Variants in MYT1 observed in about 807,000 individuals in gnomAD.
MYT1 encodes the protein myelin transcription factor I.
A neutral mutation model predicts 123.0 loss-of-function variants in MYT1; 23 were observed. That is an observed-to-expected ratio of 0.19 (90% CI 0.13 to 0.26). The LOEUF (loss-of-function observed/expected upper bound fraction) is 0.26. Among genes scored for constraint, MYT1 ranks in the 10% least tolerant of loss-of-function variants. The pLI is 1.00. For synonymous variants in MYT1, 518 were observed against 575.3 expected, an observed-to-expected ratio of 0.90 and a Z score of 1.43; for missense variants, 1,125 against 1,472.5, an observed-to-expected ratio of 0.76 and a Z score of 3.86.
chr20:64,199,784 C>G, intron 3 of MYT1, 108 bp from the exon 4 acceptor site: 1 of 1,318,718 alleles, frequency 7.6e-7, no homozygotes, highest in Non-Finnish European at 1.1e-6. Context: ...TGCCTCCACT[C>G]GTCCTTGGCA....
rs756892784 is a variant in MYT1 at position 64,219,822 on chromosome 20, G to C, written c.2081G>C (p.Gly694Ala). ...PSSSSCSSSP[G>A]VKSPDASQRH... ...AGCAGCAGCTGCAGCAGCAGCCCCG[G>C]TGTGAAGTCTCCCGACGCCTCCCAG... The change falls in exon 13 of 23, where the codon GGT becomes GCT. Residue 694 changes from glycine to alanine, a missense_variant. By Grantham distance (60) the Gly-to-Ala change is moderately conservative. Transcript: ENST00000328439. The C allele has an allele frequency of 3.7e-6, 6 of 1,613,410 alleles. No homozygotes were observed. The South Asian group carries it at 6.6e-5, about 18-fold the overall frequency.
At position 64,190,813 on chromosome 20, in the gene MYT1, AC is replaced by A. The variant is rs1555811127; in HGVS notation, c.-1+654del. ...GTGAAACCCCGTCTTTACTAAAAAC[AC>A]AAAAATTAGCCGGGCATGGTGGCAT... On this transcript the variant is annotated intron_variant, in intron 2 of 22. Transcript: ENST00000328439. The surrounding 1 kb of genome is among the most constrained non-coding windows in gnomAD (Gnocchi z 4.1). Among the ~76,000 whole-genome samples the A allele has an allele frequency of 1.3e-5, 2 of 151,606 alleles. No individual in the cohort carries two copies. Among genetic ancestry groups the A allele is most frequent in the Non-Finnish European group, 1.5e-5 (1 of 67,956 alleles).
At chr20:64,205,167 T>C (rs6062662) in intron 5 of MYT1, 70 bp downstream of exon 5, 257,645 of 1,547,976 alleles carry the variant, frequency 0.17, 24,518 homozygotes, top group South Asian at 0.32. Flanking sequence ...ACTCTGCAGA[T>C]GGAGAACTTT....
chr20:64,219,174 C>G, intron 12 of MYT1, 139 bp downstream of exon 12: 1 of 1,218,474 alleles, frequency 8.2e-7, no homozygotes, highest in Non-Finnish European at 1.1e-6. Flanking sequence ...AACTTTTTCT[C>G]CCTCCTGGCC....
At chr20:64,220,286 GGGA>G (rs1350208137) in intron 13 of MYT1, among the ~76,000 whole-genome samples, 1 of 152,212 alleles carries the variant, frequency 6.6e-6, no homozygotes, top group African/African-American at 2.4e-5. Flanking sequence ...TGGAGGCATG[GGGA>G]GGAGAAAGGC....
intron 1 of MYT1, among the ~76,000 whole-genome samples, chr20:64,176,808 G>A (rs1982470341): frequency 6.6e-6 from 1 of 152,236 alleles, no homozygotes; most frequent in African/African-American, 2.4e-5. Flanking sequence ...GTCCCTCCCA[G>A]CACACTGCCT....
At position 64,240,689 on chromosome 20, in the gene MYT1, T is replaced by C. The variant is rs1168652614; in HGVS notation, c.*241T>C. On this transcript the variant is annotated 3_prime_UTR_variant, in exon 23 of 23. Coordinates refer to ENST00000328439, the MANE Select transcript of MYT1 (RefSeq NM_004535.3). The stretch of plus-strand genomic sequence containing the variant: ...CACTGAAGAATTACAAAGTGATTTA[T>C]TTTTGTTTTCTGAAAGAAATCTGAA... The C allele has an allele frequency of 2.2e-6, 1 of 449,502 alleles. No individual in the cohort carries two copies. The highest frequency in any genetic ancestry group is 3.9e-6 in the Non-Finnish European group (1 of 258,954). 27.8% of individuals were successfully genotyped at this position (449,502 alleles called of 1,614,324 possible). A position where few individuals can be genotyped will look rare whatever the true frequency, so the allele number is the denominator to read the frequency against.
intron 1 of MYT1, among the ~76,000 whole-genome samples, chr20:64,182,695 G>T (rs1481683175): frequency 6.6e-6 from 1 of 152,040 alleles, no homozygotes; most frequent in East Asian, 1.9e-4. Flanking sequence ...CAGGAGCAGG[G>T]AGTGATAGGC....
intron 1 of MYT1, among the ~76,000 whole-genome samples, chr20:64,179,919 GTTATACACACA>G (rs1014562052): frequency 7.2e-6 from 1 of 139,350 alleles, no homozygotes; most frequent in African/African-American, 2.7e-5. Context: ...GCTCTATACA[GTTATACACACA>G]TGCTACACAC....
chr20:64,165,208 C>T (rs1056640488), intron 1 of MYT1, among the ~76,000 whole-genome samples: 1 of 151,996 alleles, frequency 6.6e-6, no homozygotes, highest in Non-Finnish European at 1.5e-5. Flanking sequence ...GTGACCCCCA[C>T]CCAAGGTACT....
rs1983725789 is a variant in MYT1 at position 64,212,921 on chromosome 20, A to G, written c.1518-613A>G. The stretch of plus-strand genomic sequence containing the variant: ...CTGCCAGAGCTTTTGAGGTCACTTC[A>G]TTTGAAAAGAGGCCAGTTCCCCATT... On this transcript the variant is annotated intron_variant, in intron 9 of 22. Coordinates refer to ENST00000328439, the MANE Select transcript of MYT1 (RefSeq NM_004535.3). The surrounding 1 kb of genome is among the most constrained non-coding windows in gnomAD (Gnocchi z 6.8). Among the ~76,000 whole-genome samples the G allele has an allele frequency of 6.6e-6, 1 of 152,192 alleles. No individual in the cohort carries two copies. Among genetic ancestry groups the G allele is most frequent in the Non-Finnish European group, 1.5e-5 (1 of 68,036 alleles).
chr20:64,211,842 C>A (rs73916733), intron 8 of MYT1, among the ~76,000 whole-genome samples: 4,980 of 151,980 alleles, frequency 0.033, 289 homozygotes, highest in African/African-American at 0.11. Context: ...GGGGGGCATG[C>A]CCTGACCAGG....
At chr20:64,176,676 G>C (rs1375275789) in intron 1 of MYT1, among the ~76,000 whole-genome samples, 1 of 152,258 alleles carries the variant, frequency 6.6e-6, no homozygotes, top group African/African-American at 2.4e-5. Context: ...GCGTGGAGCA[G>C]TGTGGAGTGG....
At position 64,202,431 on chromosome 20, in the gene MYT1, T is replaced by G. The variant is rs1249794062; in HGVS notation, c.86+2509T>G. On this transcript the variant is annotated intron_variant, in intron 4 of 22. Transcript: ENST00000328439. The surrounding 1 kb of genome is among the most constrained non-coding windows in gnomAD (Gnocchi z 5.0). Reference sequence around the variant, plus strand: ...GCCAGAGGCGAAGACTAGGGAAGGTTAGGGTTGGGGTTAGCATCTTTGAGA... The same window carrying G: ...GCCAGAGGCGAAGACTAGGGAAGGTGAGGGTTGGGGTTAGCATCTTTGAGA... Among the ~76,000 whole-genome samples, 1 of 152,048 alleles carries G rather than the reference T, an allele frequency of 6.6e-6. No individual in the cohort carries two copies. Among genetic ancestry groups the G allele is most frequent in the East Asian group, 1.9e-4 (1 of 5,166 alleles).
intron 1 of MYT1, among the ~76,000 whole-genome samples, chr20:64,171,535 C>T (rs2145688698): frequency 1.3e-5 from 2 of 152,324 alleles, no homozygotes; most frequent in Middle Eastern, 3.4e-3. Context: ...GGATGTGGAG[C>T]TCCCTTCATC....
chr20:64,226,420 A>G (rs1368959832), intron 16 of MYT1, among the ~76,000 whole-genome samples: 6 of 152,152 alleles, frequency 3.9e-5, no homozygotes, highest in Non-Finnish European at 7.4e-5. Flanking sequence ...TCCGGTGAGG[A>G]AGGGCCAGCA....
rs918413595 is a variant in MYT1, at chr20:64,190,724, T to G, written c.-1+564T>G. On this transcript the variant is annotated intron_variant, in intron 2 of 22. Transcript: ENST00000328439. This position sits in a 1 kb window ranked among gnomAD's most constrained non-coding sequence, Gnocchi z 4.1. The stretch of plus-strand genomic sequence containing the variant: ...TGGCTTTTATCTCTAATCCCAGCAC[T>G]TTGGGAGGCTGAGGCAGGTGGATCA... Among the ~76,000 whole-genome samples, 1 of 145,062 alleles carries G rather than the reference T, an allele frequency of 6.9e-6. No individual in the cohort carries two copies. Among genetic ancestry groups the G allele is most frequent in the Non-Finnish European group, 1.5e-5 (1 of 67,154 alleles).
At chr20:64,216,829 T>C (rs1225023051) in intron 10 of MYT1, among the ~76,000 whole-genome samples, 2 of 152,198 alleles carry the variant, frequency 1.3e-5, no homozygotes, top group East Asian at 3.8e-4. Context: ...TTGAGGGTCC[T>C]ATTGCTTCCT....
Position 64,213,231 on chromosome 20 carries a change from T to C in MYT1, c.1518-303T>C, listed in dbSNP as rs1306191756. Reference sequence around the variant, plus strand: ...CTCCCAGACCCATGCAGAGGAGGCATCTTTGCCCAGAGCTTTCAAGGCCTT... The same window carrying C: ...CTCCCAGACCCATGCAGAGGAGGCACCTTTGCCCAGAGCTTTCAAGGCCTT... On this transcript the variant is annotated intron_variant, in intron 9 of 22. Transcript: ENST00000328439. The surrounding 1 kb of genome is among the most constrained non-coding windows in gnomAD (Gnocchi z 5.6). 6.6e-6 allele frequency among the ~76,000 whole-genome samples: 1 copy of C among 152,150 alleles called. No homozygotes were observed. Among genetic ancestry groups the C allele is most frequent in the Non-Finnish European group, 1.5e-5 (1 of 68,040 alleles).
Sources: gnomAD v4.1 joint callset for allele counts (sites outside exome capture counted in the v4.1 genomes callset) on GRCh38, gnomAD v4.1.1 for gene constraint, Gnocchi (gnomAD v3.1) non-coding constraint, MANE v1.5 for transcripts, NCBI Gene and HGNC (gene_info 2026-07-23, HGNC 2026-07-21) for gene names.